Variants in NTM observed in about 807,000 individuals in gnomAD.
NTM encodes the protein IgLON family member 2.
In NTM, 13 loss-of-function variants were observed where a neutral mutation model predicts 42.1. That is an observed-to-expected ratio of 0.31 (90% CI 0.20 to 0.49). The LOEUF (loss-of-function observed/expected upper bound fraction) is 0.49, where lower values mean the gene tolerates loss of function less well. NTM is among the 20% of genes least tolerant of loss of function. The pLI is 0.99. For synonymous variants in NTM, 187 were observed against 179.2 expected, an observed-to-expected ratio of 1.04 and a Z score of -0.35; for missense variants, 373 against 452.8, an observed-to-expected ratio of 0.82 and a Z score of 1.60.
intron 2 of NTM, among the ~76,000 whole-genome samples, chr11:131,978,707 A>G (rs538033814): frequency 6.6e-6 from 1 of 152,316 alleles, no homozygotes; most frequent in Admixed American, 6.5e-5. Context: ...TGCATCCTCT[A>G]CCAAAATACG....
intron 1 of NTM, among the ~76,000 whole-genome samples, chr11:131,576,734 A>G (rs1194546928): frequency 1.3e-5 from 2 of 152,222 alleles, no homozygotes; most frequent in Non-Finnish European, 2.9e-5. Context: ...CAAATTTGAT[A>G]ATAAGATGAT....
chr11:131,789,500 GAA>G (rs756358112), intron 1 of NTM, among the ~76,000 whole-genome samples: 1 of 6,838 alleles, frequency 1.5e-4, no homozygotes, highest in Non-Finnish European at 2.8e-4. Context: ...GAGGAAAGAA[GAA>G]GAAGAAGAAG....
chr11:132,240,042 C>T (rs972072053), intron 4 of NTM, among the ~76,000 whole-genome samples: 8 of 147,404 alleles, frequency 5.4e-5, no homozygotes, highest in Admixed American at 1.4e-4. Flanking sequence ...ATCCATCATC[C>T]GTCCATCCCT....
chr11:131,841,807 G>T (rs2044292112), intron 1 of NTM, among the ~76,000 whole-genome samples: 1 of 152,090 alleles, frequency 6.6e-6, no homozygotes, highest in African/African-American at 2.4e-5. Context: ...GGAGGGATGG[G>T]GATTACAGCT....
At chr11:132,239,689 C>T (rs941868999) in intron 4 of NTM, among the ~76,000 whole-genome samples, 1 of 152,136 alleles carries the variant, frequency 6.6e-6, no homozygotes, top group Non-Finnish European at 1.5e-5. Context: ...ATCTTGAAAA[C>T]TTATAATGAA....
chr11:131,994,304 A>T (rs1378653859), intron 2 of NTM, among the ~76,000 whole-genome samples: 2 of 152,144 alleles, frequency 1.3e-5, no homozygotes, highest in African/African-American at 4.8e-5. Context: ...GTGGGAAGGG[A>T]GTTCTGAAAT....
At chr11:131,679,686 T>C (rs775026074) in intron 1 of NTM, among the ~76,000 whole-genome samples, 3 of 151,550 alleles carry the variant, frequency 2.0e-5, no homozygotes, top group Non-Finnish European at 4.4e-5. Flanking sequence ...GTAAGAAATA[T>C]TGTAAAAATG....
At chr11:131,389,595 G>A (rs970319610) in intron 1 of NTM, among the ~76,000 whole-genome samples, 1 of 152,180 alleles carries the variant, frequency 6.6e-6, no homozygotes, top group African/African-American at 2.4e-5. Flanking sequence ...ATCAGCTTGT[G>A]TTGATGTAAA....
At chr11:132,310,256 C>G (rs776685528) in intron 6 of NTM, 24 bp downstream of exon 6, 1 of 1,553,726 alleles carries the variant, frequency 6.4e-7, no homozygotes, top group Non-Finnish European at 8.6e-7. Flanking sequence ...CTTTCCTATC[C>G]CACCCCTACC....
At chr11:131,609,654 A>C (rs971793920) in intron 1 of NTM, among the ~76,000 whole-genome samples, 3 of 152,184 alleles carry the variant, frequency 2.0e-5, no homozygotes, top group African/African-American at 7.2e-5. Context: ...TTTTTGTATG[A>C]GTAACAATGC....
chr11:131,546,608 A>G (rs1266734679), intron 1 of NTM: 1 of 152,128 alleles, frequency 6.6e-6, no homozygotes, highest in Non-Finnish European at 1.5e-5. Flanking sequence ...GAGCTTTTCC[A>G]TTTGACTTCA....
chr11:131,558,503 C>T (rs1427300154), intron 1 of NTM, among the ~76,000 whole-genome samples: 5 of 152,146 alleles, frequency 3.3e-5, no homozygotes, highest in Non-Finnish European at 7.3e-5. Flanking sequence ...CACCTCTGTT[C>T]TTTTTCTTAG....
chr11:131,725,046 T>C (rs922827587), intron 1 of NTM, among the ~76,000 whole-genome samples: 1 of 152,150 alleles, frequency 6.6e-6, no homozygotes, highest in African/African-American at 2.4e-5. Context: ...TATCTTGTTC[T>C]TCCTGAATTC....
chr11:131,934,470 A>G (rs2058997729), intron 2 of NTM, among the ~76,000 whole-genome samples: 1 of 152,224 alleles, frequency 6.6e-6, no homozygotes, highest in African/African-American at 2.4e-5. Flanking sequence ...ATATTCATTC[A>G]TTCATTCATT....
intron 1 of NTM, chr11:131,533,846 C>T (rs2136695158): frequency 6.6e-6 from 1 of 152,362 alleles, no homozygotes; most frequent in South Asian, 2.1e-4. Context: ...CAACAAAAGC[C>T]AATGATATCT....
chr11:131,700,090 C>T (rs79705161), intron 1 of NTM, among the ~76,000 whole-genome samples: 1 of 152,044 alleles, frequency 6.6e-6, no homozygotes, highest in Non-Finnish European at 1.5e-5. Flanking sequence ...ATGTTGGGCA[C>T]AAACTCATGT....
intron 1 of NTM, among the ~76,000 whole-genome samples, chr11:131,693,447 A>T (rs1011514317): frequency 6.6e-5 from 10 of 152,082 alleles, no homozygotes; most frequent in Admixed American, 6.6e-4. Context: ...GGCTCTTAAG[A>T]TTTTTATCAT....
rs559245120 is a variant in NTM, at chr11:131,759,240, A to G, written c.83-152324A>G. Among the ~76,000 whole-genome samples the G allele has an allele frequency of 1.2e-4, 19 of 152,284 alleles. No individual in the cohort carries two copies. In the East Asian group the frequency reaches 3.1e-3, roughly 25 times the overall value. ...ATACTCTGGTACTGTTCACAGGCAT[A>G]TTTATAAGACCTCTAAAGAACTGCT... On this transcript the variant is annotated intron_variant, in intron 1 of 8. Transcript: ENST00000683400.
intron 2 of NTM, among the ~76,000 whole-genome samples, chr11:132,134,711 A>G (rs1213090432): frequency 0.15 from 2,697 of 17,812 alleles, 587 homozygotes; most frequent in African/African-American, 0.22. Context: ...CATGGTATAT[A>G]TATATATATA....
Sources: gnomAD v4.1 joint callset for allele counts (sites outside exome capture counted in the v4.1 genomes callset) on GRCh38, gnomAD v4.1.1 for gene constraint, MANE v1.5 for transcripts, NCBI Gene and HGNC (gene_info 2026-07-23, HGNC 2026-07-21) for gene names.